The following RAPGEF4 variants were observed in gnomAD, a reference collection of about 807,000 sequenced individuals.
The protein encoded by RAPGEF4 is Rap guanine nucleotide exchange factor 4, also known as RAP guanine-nucleotide-exchange factor (GEF) 4.
In RAPGEF4, 66 loss-of-function variants were observed where a neutral mutation model predicts 147.9. The observed-to-expected ratio is 0.45, with a 90% CI of 0.37 to 0.55. The LOEUF is 0.55. RAPGEF4 is among the 20% of genes least tolerant of loss of function. The pLI is 0.00. For missense variants in RAPGEF4, 1,071 were observed against 1,257.3 expected (o/e 0.85, Z 2.24); for synonymous variants, 419 against 442.7 (o/e 0.95, Z 0.67).
intron 4 of RAPGEF4, among the ~76,000 whole-genome samples, chr2:172,840,400 A>G (rs1691451154): frequency 6.6e-6 from 1 of 152,230 alleles, no homozygotes; most frequent in Non-Finnish European, 1.5e-5. Flanking sequence ...ATCATAGCAG[A>G]GTACTATGTT....
intron 4 of RAPGEF4, among the ~76,000 whole-genome samples, chr2:172,852,251 C>T (rs748231090): frequency 1.3e-5 from 2 of 152,108 alleles, no homozygotes; most frequent in Admixed American, 6.5e-5. Context: ...TTTCCCTGAA[C>T]GTTTTCATAA....
intron 6 of RAPGEF4, among the ~76,000 whole-genome samples, chr2:172,954,415 C>T (rs1472864331): frequency 2.6e-5 from 4 of 152,130 alleles, no homozygotes; most frequent in Admixed American, 6.5e-5. Flanking sequence ...CTTTCAAGCT[C>T]TTTACAAGAG....
At chr2:172,925,891 AAAGAAAG>A in intron 6 of RAPGEF4, among the ~76,000 whole-genome samples, 1 of 146,588 alleles carries the variant, frequency 6.8e-6, no homozygotes, top group East Asian at 2.2e-4. Flanking sequence ...AAAAGAAAGG[AAAGAAAG>A]AAGAAAGAGA....
At chr2:172,946,933 C>A (rs1482540118) in intron 6 of RAPGEF4, among the ~76,000 whole-genome samples, 2 of 152,174 alleles carry the variant, frequency 1.3e-5, no homozygotes, top group Admixed American at 6.5e-5. Context: ...TCTGACTGTT[C>A]ATTACCTTAA....
intron 4 of RAPGEF4, among the ~76,000 whole-genome samples, chr2:172,833,126 C>T (rs1299142053): frequency 6.6e-6 from 1 of 151,864 alleles, no homozygotes; most frequent in Non-Finnish European, 1.5e-5. Flanking sequence ...ATCACTTGAA[C>T]CTGAGAGGTG....
chr2:173,016,784 A>T (rs188628370), intron 19 of RAPGEF4, among the ~76,000 whole-genome samples: 1 of 152,216 alleles, frequency 6.6e-6, no homozygotes, highest in Non-Finnish European at 1.5e-5. Flanking sequence ...AACTACTTAT[A>T]TGGAAAATTC....
intron 1 of RAPGEF4, among the ~76,000 whole-genome samples, chr2:172,754,052 A>T (rs1695544572): frequency 6.6e-6 from 1 of 152,254 alleles, no homozygotes; most frequent in Admixed American, 6.5e-5. Context: ...TTGTAATTGG[A>T]CCAAATAAAA....
chr2:172,936,543 T>A (rs1258448948), intron 6 of RAPGEF4, among the ~76,000 whole-genome samples: 1 of 152,146 alleles, frequency 6.6e-6, no homozygotes, highest in African/African-American at 2.4e-5. Context: ...GTTAATATTG[T>A]CTCAACCGTA....
chr2:173,004,172 G>C (rs572315053), intron 17 of RAPGEF4, among the ~76,000 whole-genome samples: 3 of 152,088 alleles, frequency 2.0e-5, no homozygotes, highest in Non-Finnish European at 2.9e-5. Context: ...TTCCAGTTTT[G>C]CTTTTACCAT....
chr2:172,738,240 C>G (rs1322833361), intron 1 of RAPGEF4, among the ~76,000 whole-genome samples: 5 of 152,202 alleles, frequency 3.3e-5, no homozygotes, highest in Non-Finnish European at 5.9e-5. Flanking sequence ...TTTCCAGGCA[C>G]TGTGAAATGC....
intron 17 of RAPGEF4, among the ~76,000 whole-genome samples, chr2:173,005,149 G>A (rs143000370): frequency 2.0e-5 from 3 of 151,740 alleles, no homozygotes; most frequent in African/African-American, 7.3e-5. Context: ...AAACACAATG[G>A]AGTGAATCAG....
At chr2:173,018,900 C>A (rs1695763165) in intron 22 of RAPGEF4, 98 bp downstream of exon 22, 1 of 1,330,654 alleles carries the variant, frequency 7.5e-7, no homozygotes, top group Non-Finnish European at 1.0e-6. Context: ...GAGGCTCACC[C>A]AGAGGATGAA....
intron 4 of RAPGEF4, chr2:172,917,436 T>TA (rs1331930446): frequency 1.5e-5 from 8 of 539,064 alleles, no homozygotes; most frequent in African/African-American, 9.3e-5. Context: ...TTTATTTGTA[T>TA]CTGCATCTAT....
upstream of RAPGEF4, chr2:172,735,826 G>A (rs1378236311): frequency 7.2e-5 from 32 of 443,090 alleles, no homozygotes. Context: ...CCCAGGCCGC[G>A]GGAGCCCGCG....
chr2:172,747,309 A>G (rs550391775), intron 1 of RAPGEF4, among the ~76,000 whole-genome samples: 112 of 152,338 alleles, frequency 7.4e-4, no homozygotes, highest in Non-Finnish European at 1.2e-3. Flanking sequence ...AAGCTAATTA[A>G]CATATTCATC....
chr2:172,805,951 A>T (rs1687452503), intron 3 of RAPGEF4, among the ~76,000 whole-genome samples: 1 of 152,114 alleles, frequency 6.6e-6, no homozygotes, highest in Non-Finnish European at 1.5e-5. Flanking sequence ...GTTATAAGCA[A>T]TAAATAACAA....
intron 17 of RAPGEF4, among the ~76,000 whole-genome samples, chr2:173,005,135 T>C (rs1039793813): frequency 6.6e-6 from 1 of 151,902 alleles, no homozygotes; most frequent in African/African-American, 2.4e-5. Context: ...TTTTTTGCTA[T>C]AACAAACACA....
chr2:172,990,752 T>A, intron 14 of RAPGEF4, 58 bp from the exon 15 acceptor site: 1 of 1,303,358 alleles, frequency 7.7e-7, no homozygotes, highest in Admixed American at 2.0e-5. Context: ...CATTTGAAAA[T>A]TTTTTCATTG....
chr2:172,979,994 G>C (rs1691508297), intron 10 of RAPGEF4, among the ~76,000 whole-genome samples: 1 of 152,328 alleles, frequency 6.6e-6, no homozygotes, highest in African/African-American at 2.4e-5. Flanking sequence ...TCCAGCCTGG[G>C]CAAGAAAGGT....
Sources: gnomAD v4.1 joint callset for allele counts (sites outside exome capture counted in the v4.1 genomes callset) on GRCh38, gnomAD v4.1.1 for gene constraint, MANE v1.5 for transcripts, NCBI Gene and HGNC (gene_info 2026-07-23, HGNC 2026-07-21) for gene names.